The following LMLN variants were observed in gnomAD, a reference collection of about 807,000 sequenced individuals.
LMLN encodes leishmanolysin like peptidase.
A neutral mutation model predicts 92.3 loss-of-function variants in LMLN; 70 were observed. The ratio of observed to expected loss-of-function variants is 0.76; its 90% confidence interval spans 0.63 to 0.92. The LOEUF (loss-of-function observed/expected upper bound fraction) is 0.92. LMLN is among the 40% of genes least tolerant of loss of function. The pLI is 0.00. For missense variants in LMLN, 691 were observed against 814.6 expected, an observed-to-expected ratio of 0.85 and a Z score of 1.85; for synonymous variants, 308 against 296.2, an observed-to-expected ratio of 1.04 and a Z score of -0.41.
chr3:197,974,257 G>C, intron 1 of LMLN, 120 bp from the exon 2 acceptor site: 1 of 625,564 alleles, frequency 1.6e-6, no homozygotes. Context: ...GTGGAATATG[G>C]GTCACAGAAC....
chr3:198,017,142 A>T (rs1188751255), intron 11 of LMLN, among the ~76,000 whole-genome samples: 1 of 152,186 alleles, frequency 6.6e-6, no homozygotes, highest in Non-Finnish European at 1.5e-5. Flanking sequence ...ACAAGGAAAA[A>T]AAAAACAGGT....
intron 7 of LMLN, among the ~76,000 whole-genome samples, chr3:197,984,942 T>G (rs1721661634): frequency 1.3e-5 from 2 of 152,020 alleles, no homozygotes; most frequent in South Asian, 2.1e-4. Flanking sequence ...CCTCCCAAAG[T>G]GCTGGGATTA....
chr3:197,962,479 G>A (rs902410379), intron 1 of LMLN, among the ~76,000 whole-genome samples: 1 of 152,242 alleles, frequency 6.6e-6, no homozygotes, highest in African/African-American at 2.4e-5. Flanking sequence ...TGTTTTCATT[G>A]TTCTTGGATA....
intron 13 of LMLN, among the ~76,000 whole-genome samples, chr3:198,024,325 C>T (rs1190417284): frequency 1.3e-5 from 2 of 151,438 alleles, no homozygotes; most frequent in African/African-American, 4.9e-5. Flanking sequence ...ACGCCATTCT[C>T]CTGCCTCAGC....
At chr3:197,979,774 T>C (rs1721506187) in intron 5 of LMLN, among the ~76,000 whole-genome samples, 1 of 152,112 alleles carries the variant, frequency 6.6e-6, no homozygotes, top group African/African-American at 2.4e-5. Flanking sequence ...ACAGAGTGAC[T>C]CCACCTCAAA....
intron 1 of LMLN, among the ~76,000 whole-genome samples, chr3:197,965,328 T>C (rs1721026504): frequency 6.6e-6 from 1 of 151,298 alleles, no homozygotes; most frequent in Non-Finnish European, 1.5e-5. Flanking sequence ...TGAGATTATT[T>C]TATTTATGGT....
chr3:198,036,175 T>G (rs557110937), intron 15 of LMLN, 132 bp downstream of exon 16: 1 of 764,074 alleles, frequency 1.3e-6, no homozygotes, highest in Non-Finnish European at 2.1e-6. Context: ...TGCATTTTTA[T>G]GGGAAGTTCC....
At chr3:197,960,699 G>A (rs1720841696) in intron 1 of LMLN, among the ~76,000 whole-genome samples, 1 of 152,082 alleles carries the variant, frequency 6.6e-6, no homozygotes, top group Non-Finnish European at 1.5e-5. Flanking sequence ...AAACTTGAGC[G>A]TGCATCACAG....
intron 1 of LMLN, among the ~76,000 whole-genome samples, chr3:197,968,238 G>T (rs566995680): frequency 2.0e-4 from 30 of 152,092 alleles, no homozygotes; most frequent in African/African-American, 7.2e-4. Context: ...AGGCCGAGGC[G>T]GGCGGATCAC....
intron 6 of LMLN, among the ~76,000 whole-genome samples, chr3:197,983,251 A>C (rs952608706): frequency 1.2e-4 from 18 of 152,124 alleles, no homozygotes; most frequent in African/African-American, 4.3e-4. Flanking sequence ...GTGGTAGGAG[A>C]ACTGAGCTTG....
intron 14 of LMLN, among the ~76,000 whole-genome samples, chr3:198,026,146 G>A (rs1375572587): frequency 6.6e-6 from 1 of 151,980 alleles, no homozygotes; most frequent in Non-Finnish European, 1.5e-5. Context: ...TGTAGAGACA[G>A]GCTTTTGCCA....
intron 12 of LMLN, 142 bp from the exon 14 acceptor site, chr3:198,021,300 CTTTA>C: frequency 1.5e-6 from 1 of 672,158 alleles, no homozygotes. Flanking sequence ...TTACTGTGTT[CTTTA>C]TTTGGTGCCA....
intron 8 of LMLN, 50 bp downstream of exon 8, chr3:197,985,940 G>C: frequency 8.9e-7 from 1 of 1,118,120 alleles, no homozygotes; most frequent in Non-Finnish European, 1.4e-6. Flanking sequence ...AGGGTGCTAA[G>C]ACTAGAATCT....
exon 16 of LMLN, chr3:198,041,426 A>AATATTGTAT (rs1448588856): frequency 1.3e-5 from 2 of 152,232 alleles, no homozygotes; most frequent in African/African-American, 4.8e-5. Flanking sequence ...AACTACTAAA[A>AATATTGTAT]ATATTGTATA....
At chr3:197,975,438 A>AT (rs1236141064) in intron 3 of LMLN, among the ~76,000 whole-genome samples, 1 of 152,202 alleles carries the variant, frequency 6.6e-6, no homozygotes, top group Non-Finnish European at 1.5e-5. Flanking sequence ...GATTTACCTG[A>AT]TAACCACATC....
Position 197,999,556 on chromosome 3 carries a change from G to T in LMLN, c.1232+214G>T, listed in dbSNP as rs1161078071. 1.6e-5 allele frequency: 9 copies of T among 547,832 alleles called. 1 individual carries two copies. Among genetic ancestry groups the T allele is most frequent in the Non-Finnish European group, 2.9e-5 (9 of 306,820 alleles). 33.9% of individuals were successfully genotyped at this position (547,832 alleles called of 1,614,324 possible). A position where few individuals can be genotyped will look rare whatever the true frequency, so the allele number is the denominator to read the frequency against. ...CTTTTGTTGTTGGTTTTAAAATAGG[G>T]TCTCACTCCTTCTGCGCAGGCTGGA... is the stretch of plus-strand genomic sequence containing the variant. On this transcript the variant is annotated intron_variant, in intron 11 of 15. Transcript: ENST00000330198.
rs1721696795 is a variant in LMLN, at chr3:197,986,037, A to G, written c.929+147A>G. On this transcript the variant is annotated intron_variant, in intron 8 of 15. Coordinates refer to ENST00000330198, the Ensembl canonical transcript of LMLN. ...TGTAGATATTAAAACAAAATGGGAT[A>G]TAAGAGGCCATTTTATGAAAACATA... The G allele has an allele frequency of 6.9e-6, 4 of 579,100 alleles. No individual in the cohort carries two copies. The East Asian group carries it at 1.1e-4, about 16-fold the overall frequency. 35.9% of individuals were successfully genotyped at this position (579,100 alleles called of 1,614,324 possible). A position where few individuals can be genotyped will look rare whatever the true frequency, so the allele number is the denominator to read the frequency against.
intron 11 of LMLN, 81 bp downstream of exon 11, chr3:197,999,423 A>C: frequency 1.0e-6 from 1 of 1,001,724 alleles, no homozygotes; most frequent in Non-Finnish European, 1.6e-6. Flanking sequence ...GAAAATGCTG[A>C]CATTTTATGC....
intron 5 of LMLN, 50 bp from the exon 6 acceptor site, chr3:197,980,276 C>T (rs1039072303): frequency 3.3e-6 from 5 of 1,496,544 alleles, no homozygotes; most frequent in Non-Finnish European, 4.6e-6. Context: ...AATGCCACTA[C>T]AGCTAACTTT....
Sources: allele counts gnomAD v4.1 joint callset (sites outside exome capture counted in the v4.1 genomes callset), GRCh38; gene constraint gnomAD v4.1.1; transcripts MANE v1.5; gene names NCBI Gene and HGNC (gene_info 2026-07-23, HGNC 2026-07-21).